The following PEX2 variants were observed in gnomAD, a reference collection of about 807,000 sequenced individuals.
The protein encoded by PEX2 is peroxisome biogenesis factor 2.
A neutral mutation model predicts 25.2 loss-of-function variants in PEX2; 19 were observed. The observed-to-expected ratio is 0.75, with a 90% CI of 0.53 to 1.10. The LOEUF (loss-of-function observed/expected upper bound fraction) is 1.10, where lower values mean the gene tolerates loss of function less well. PEX2 is among the 50% of genes least tolerant of loss of function. PEX2 has a pLI of 0.00. For synonymous variants in PEX2, 141 were observed against 127.7 expected (o/e 1.10, Z -0.70); for missense variants, 347 against 350.6 (o/e 0.99, Z 0.08).
chr8:76,985,505 T>C (rs967725726), intron 3 of PEX2, among the ~76,000 whole-genome samples: 5 of 152,194 alleles, frequency 3.3e-5, no homozygotes, highest in African/African-American at 9.7e-5. Flanking sequence ...TGGTGATTGA[T>C]GTAATTAACT....
upstream of PEX2, chr8:77,000,169 T>C (rs1010219618): frequency 3.1e-6 from 1 of 317,730 alleles, no homozygotes; most frequent in African/African-American, 2.3e-5. Context: ...CAACGAGAAC[T>C]GCGCTTTAGC....
intron 1 of PEX2, among the ~76,000 whole-genome samples, chr8:76,994,362 T>A (rs1452570407): frequency 6.6e-6 from 1 of 152,168 alleles, no homozygotes; most frequent in Non-Finnish European, 1.5e-5. Context: ...TGAATATATT[T>A]TCTTTAAAAA....
upstream of PEX2, among the ~76,000 whole-genome samples, chr8:77,000,472 G>A (rs1340222392): frequency 6.6e-6 from 1 of 152,146 alleles, no homozygotes; most frequent in East Asian, 2.0e-4. Context: ...CCGGGTGGCG[G>A]CGAGACGCCT....
rs549242503 is a variant in PEX2 at position 76,984,027 on chromosome 8, C to T, written c.152G>A (p.Arg51His). ...FHGFKPGLLA[R>H]FEPEVKACLW... ...GCACGCTTTCACCTCTGGCTCAAAG[C>T]GAGCTAACAGCCCAGGTTTAAATCC... Residue 51 changes from arginine to histidine, a missense_variant, in exon 4 of 4, where the codon CGC becomes CAC. Transcript: ENST00000357039. The T allele has an allele frequency of 3.3e-5, 54 of 1,613,468 alleles. No individual in the cohort carries two copies. The Admixed American group carries it at 4.5e-4, about 13-fold the overall frequency.
At chr8:76,987,462 T>C (rs1241484691) in intron 2 of PEX2, among the ~76,000 whole-genome samples, 1 of 152,032 alleles carries the variant, frequency 6.6e-6, no homozygotes, top group Non-Finnish European at 1.5e-5. Context: ...AGGAGACAGG[T>C]CCTAAAGGCC....
Position 76,984,253 on chromosome 8 carries a change from C to T in PEX2, c.-17-58G>A, listed in dbSNP as rs1177490954. The T allele has an allele frequency of 4.4e-6, 6 of 1,377,272 alleles. No individual in the cohort carries two copies. In the South Asian group the frequency reaches 4.7e-5, roughly 11 times the overall value. 85.3% of individuals were successfully genotyped at this position (1,377,272 alleles called of 1,614,324 possible). ...AAGAGTTGCAATCTTGTACAACCTC[C>T]TCAACTTATGCCTGGAAACTGTCAT... On this transcript the variant is annotated intron_variant, in intron 3 of 3. Transcript: ENST00000357039.
At chr8:76,995,188 A>G (rs944936932) in intron 1 of PEX2, among the ~76,000 whole-genome samples, 3 of 152,200 alleles carry the variant, frequency 2.0e-5, no homozygotes, top group Non-Finnish European at 4.4e-5. Flanking sequence ...CTCTTTCACC[A>G]TACATAAACT....
At chr8:76,997,214 C>G (rs1407088191) in intron 1 of PEX2, among the ~76,000 whole-genome samples, 1 of 152,166 alleles carries the variant, frequency 6.6e-6, no homozygotes, top group African/African-American at 2.4e-5. Flanking sequence ...CATGTCAAAT[C>G]TGAACAAAAG....
chr8:76,998,828 G>A (rs1271003502), intron 1 of PEX2, among the ~76,000 whole-genome samples: 2 of 152,092 alleles, frequency 1.3e-5, no homozygotes, highest in Non-Finnish European at 2.9e-5. Context: ...CTAAAAATAA[G>A]GAGAATACGG....
chr8:76,993,962 T>C (rs1473948159), intron 1 of PEX2, among the ~76,000 whole-genome samples: 2 of 152,132 alleles, frequency 1.3e-5, no homozygotes, highest in South Asian at 2.1e-4. Context: ...GTGAAAAAGA[T>C]GCTTAAGGCA....
At chr8:76,985,440 C>G (rs1806975281) in intron 3 of PEX2, among the ~76,000 whole-genome samples, 1 of 152,068 alleles carries the variant, frequency 6.6e-6, no homozygotes, top group Non-Finnish European at 1.5e-5. Context: ...TTGCCAAGAG[C>G]AAATCTGAAG....
intron 3 of PEX2, among the ~76,000 whole-genome samples, chr8:76,985,201 A>C (rs888833011): frequency 2.6e-5 from 4 of 151,072 alleles, no homozygotes; most frequent in African/African-American, 9.7e-5. Context: ...ATGAGGCTTA[A>C]ATTTAGTTGC....
At chr8:76,995,192 A>G (rs970047071) in intron 1 of PEX2, among the ~76,000 whole-genome samples, 1 of 152,240 alleles carries the variant, frequency 6.6e-6, no homozygotes, top group Non-Finnish European at 1.5e-5. Context: ...TTCACCATAC[A>G]TAAACTAAGT....
intron 1 of PEX2, among the ~76,000 whole-genome samples, chr8:76,992,159 C>T (rs148409301): frequency 2.0e-5 from 3 of 152,256 alleles, no homozygotes; most frequent in Non-Finnish European, 4.4e-5. Flanking sequence ...TCACTGCCCA[C>T]TTAACTTGCA....
intron 1 of PEX2, among the ~76,000 whole-genome samples, chr8:76,997,817 G>C (rs1022132568): frequency 6.6e-6 from 1 of 152,144 alleles, no homozygotes; most frequent in Non-Finnish European, 1.5e-5. Context: ...TATCCCACAC[G>C]GAGAAAGGCA....
intron 3 of PEX2, 66 bp downstream of exon 3, chr8:76,986,121 C>T (rs1488689783): frequency 6.6e-6 from 1 of 152,114 alleles, no homozygotes; most frequent in East Asian, 1.9e-4. Context: ...ATTTTTCTCT[C>T]AAACCAGATA....
chr8:76,998,368 C>T lies in PEX2; in HGVS notation c.-160+1622G>A, dbSNP rs1378526830. On this transcript the variant is annotated intron_variant, in intron 1 of 3. Coordinates refer to ENST00000357039, the MANE Select transcript of PEX2 (RefSeq NM_000318.3). The stretch of plus-strand genomic sequence containing the variant: ...AATCATTATGTGCATCAAATATAAG[C>T]AAAACTTTTATGGCTAAAATAAAAG... Among the ~76,000 whole-genome samples, 4 of 151,880 alleles carry T rather than the reference C, an allele frequency of 2.6e-5. No homozygotes were observed. The East Asian group carries it at 7.7e-4, about 29-fold the overall frequency.
chr8:76,985,897 T>C (rs1288147678), intron 3 of PEX2, among the ~76,000 whole-genome samples: 1 of 152,228 alleles, frequency 6.6e-6, no homozygotes, highest in Non-Finnish European at 1.5e-5. Context: ...TTATGATTTT[T>C]AGTAAAAAGA....
intron 1 of PEX2, among the ~76,000 whole-genome samples, chr8:76,990,908 CTTGA>C (rs2132053546): frequency 4.3e-5 from 1 of 23,244 alleles, no homozygotes; most frequent in South Asian, 2.3e-3. Context: ...TGCAGATAAA[CTTGA>C]TTGACTCGGT....
Sources: gnomAD v4.1 joint callset for allele counts (sites outside exome capture counted in the v4.1 genomes callset) on GRCh38, gnomAD v4.1.1 for gene constraint, MANE v1.5 for transcripts, NCBI Gene and HGNC (gene_info 2026-07-23, HGNC 2026-07-21) for gene names.